The following CA10 variants were observed in gnomAD, a reference collection of about 807,000 sequenced individuals.
CA10 encodes carbonic anhydrase 10 (inactive).
In CA10, 14 loss-of-function variants were observed where a neutral mutation model predicts 44.2. That is an observed-to-expected ratio of 0.32 (90% CI 0.21 to 0.50). The LOEUF (loss-of-function observed/expected upper bound fraction) is 0.50, where lower values mean the gene tolerates loss of function less well. CA10 is among the 20% of genes least tolerant of loss of function. CA10 has a pLI of 0.99. For missense variants in CA10, 350 were observed against 409.7 expected, an observed-to-expected ratio of 0.85 and a Z score of 1.26; for synonymous variants, 159 against 141.6, an observed-to-expected ratio of 1.12 and a Z score of -0.87.
intron 3 of CA10, among the ~76,000 whole-genome samples, chr17:51,814,579 G>T (rs1907495592): frequency 6.6e-6 from 1 of 152,180 alleles, no homozygotes; most frequent in South Asian, 2.1e-4. Context: ...AACCATGAAA[G>T]AGAAACTGCT....
rs116589341 is a variant in CA10, at chr17:51,818,051, A to G, written c.280-70233T>C. Among the ~76,000 whole-genome samples the G allele has an allele frequency of 7.5e-3, 1,144 of 152,320 alleles. 22 individuals are homozygous for G. Among genetic ancestry groups the G allele is most frequent in the African/African-American group, 0.026 (1,097 of 41,568 alleles). ...TGTGTAGTGTATGTGTTTGCCAAGTATAGCTGTGACAAGGCTGCTGCCAGA... is the reference window on the plus strand; with the variant it reads ...TGTGTAGTGTATGTGTTTGCCAAGTGTAGCTGTGACAAGGCTGCTGCCAGA... On this transcript the variant is annotated intron_variant, in intron 3 of 8. Coordinates refer to ENST00000451037, the MANE Select transcript of CA10 (RefSeq NM_020178.5).
chr17:51,761,091 A>G (rs1246796787), intron 3 of CA10, among the ~76,000 whole-genome samples: 1 of 152,144 alleles, frequency 6.6e-6, no homozygotes, highest in Non-Finnish European at 1.5e-5. Flanking sequence ...TTATGCGAAC[A>G]CAGCTATATT....
At chr17:51,684,144 G>A (rs1395991770) in intron 4 of CA10, among the ~76,000 whole-genome samples, 4 of 152,224 alleles carry the variant, frequency 2.6e-5, no homozygotes, top group African/African-American at 9.6e-5. Flanking sequence ...GTGGAGCAGG[G>A]AGAGCACAGA....
intron 4 of CA10, among the ~76,000 whole-genome samples, chr17:51,704,798 G>C (rs1023375960): frequency 6.6e-6 from 1 of 151,748 alleles, no homozygotes; most frequent in African/African-American, 2.4e-5. Context: ...CCCCATCTCT[G>C]CTAAAAATAC....
intron 2 of CA10, among the ~76,000 whole-genome samples, chr17:51,998,437 T>C (rs1171918354): frequency 6.6e-6 from 1 of 152,074 alleles, no homozygotes; most frequent in Non-Finnish European, 1.5e-5. Flanking sequence ...TTACTTTCTT[T>C]TAATGCCTGT....
chr17:51,731,160 T>C (rs924639910), intron 4 of CA10, among the ~76,000 whole-genome samples: 1 of 152,100 alleles, frequency 6.6e-6, no homozygotes, highest in African/African-American at 2.4e-5. Flanking sequence ...GGGTAGATCA[T>C]GAGGTCAAGA....
At chr17:51,671,010 C>A (rs944422323) in intron 4 of CA10, among the ~76,000 whole-genome samples, 26 of 152,128 alleles carry the variant, frequency 1.7e-4, no homozygotes, top group African/African-American at 6.3e-4. Flanking sequence ...AATAAATGAA[C>A]CCCTGTGGAA....
chr17:51,923,816 AC>A (rs943951572), intron 3 of CA10, among the ~76,000 whole-genome samples: 3 of 152,168 alleles, frequency 2.0e-5, no homozygotes, highest in African/African-American at 7.2e-5. Context: ...GGGCCTTCTC[AC>A]ATTCCCCCCA....
intron 3 of CA10, chr17:51,763,054 A>C (rs1905259883): frequency 1.3e-5 from 2 of 152,170 alleles, no homozygotes. Context: ...AAACATAAAA[A>C]TCAAAACCCA....
chr17:51,652,894 C>CT (rs536653672), intron 5 of CA10, among the ~76,000 whole-genome samples: 10 of 151,948 alleles, frequency 6.6e-5, no homozygotes, highest in East Asian at 1.9e-4. Flanking sequence ...CCACACATTG[C>CT]TTTTTTTTAA....
At chr17:51,940,311 G>T (rs565981162) in intron 2 of CA10, among the ~76,000 whole-genome samples, 1 of 151,900 alleles carries the variant, frequency 6.6e-6, no homozygotes, top group South Asian at 2.1e-4. Flanking sequence ...TAATTTATAC[G>T]ACAAAACTTC....
intron 3 of CA10, among the ~76,000 whole-genome samples, chr17:51,905,178 C>G (rs1051030064): frequency 6.6e-6 from 1 of 152,100 alleles, no homozygotes; most frequent in African/African-American, 2.4e-5. Context: ...TCCATCAGTG[C>G]TCCATAAATT....
At chr17:51,999,163 G>A (rs191829023) in intron 2 of CA10, among the ~76,000 whole-genome samples, 10 of 152,114 alleles carry the variant, frequency 6.6e-5, no homozygotes, top group Admixed American at 2.0e-4. Flanking sequence ...CCAAGCAAGC[G>A]TTGTTTGGGG....
At chr17:51,960,525 GAAA>G (rs767862909) in intron 2 of CA10, among the ~76,000 whole-genome samples, 74 of 152,042 alleles carry the variant, frequency 4.9e-4, no homozygotes, top group Non-Finnish European at 8.2e-4. Flanking sequence ...TTTACATATA[GAAA>G]AAAATAATTC....
intron 4 of CA10, among the ~76,000 whole-genome samples, chr17:51,705,403 G>T (rs1458092123): frequency 2.0e-5 from 3 of 152,060 alleles, no homozygotes; most frequent in Admixed American, 6.6e-5. Context: ...TTAACATCTG[G>T]CTGCCCCACC....
chr17:51,648,752 G>A (rs1474590439), intron 6 of CA10, among the ~76,000 whole-genome samples: 1 of 152,182 alleles, frequency 6.6e-6, no homozygotes, highest in Non-Finnish European at 1.5e-5. Flanking sequence ...TGCCTGGAAA[G>A]GAGACCCAGC....
At chr17:51,640,807 A>G (rs1262571152) in intron 6 of CA10, among the ~76,000 whole-genome samples, 1 of 152,220 alleles carries the variant, frequency 6.6e-6, no homozygotes, top group Non-Finnish European at 1.5e-5. Flanking sequence ...CATCCAGCAG[A>G]AAACCATTGT....
At chr17:51,636,112 A>G in intron 6 of CA10, 103 bp from the exon 7 acceptor site, 2 of 585,980 alleles carry the variant, frequency 3.4e-6, no homozygotes, top group Admixed American at 2.9e-5. Flanking sequence ...ATATACATAC[A>G]TATATACACA....
Position 51,707,908 on chromosome 17 carries a change from G to A in CA10, c.465+39725C>T, listed in dbSNP as rs9909386. ...GCTTCTCCAAGTTGGGACACATGTT[G>A]GTCAAAGGATGAGCTGCTGGCAATT... On this transcript the variant is annotated intron_variant, in intron 4 of 8. Coordinates refer to ENST00000451037, the MANE Select transcript of CA10 (RefSeq NM_020178.5). 7.5e-3 allele frequency among the ~76,000 whole-genome samples: 1,146 copies of A among 152,220 alleles called. 13 individuals are homozygous for A. Among genetic ancestry groups the A allele is most frequent in the African/African-American group, 0.026 (1,080 of 41,530 alleles).
Sources: allele counts gnomAD v4.1 joint callset (sites outside exome capture counted in the v4.1 genomes callset), GRCh38; gene constraint gnomAD v4.1.1; transcripts MANE v1.5; gene names NCBI Gene and HGNC (gene_info 2026-07-23, HGNC 2026-07-21).